KDM2A: variants seen among roughly 807,000 people sequenced by gnomAD.
The protein encoded by KDM2A is lysine demethylase 2A.
KDM2A carries 3 observed loss-of-function variants against 137.3 expected under a neutral mutation model. The ratio of observed to expected loss-of-function variants is 0.02; its 90% CI spans 0.01 to 0.06. KDM2A has a LOEUF of 0.06. Ranked by LOEUF, KDM2A falls within the 10% of genes least tolerant of loss-of-function variation. KDM2A has a pLI of 1.00. For missense variants in KDM2A, 738 were observed against 1,510.6 expected (o/e 0.49, Z 8.48); for synonymous variants, 512 against 541.5 (o/e 0.95, Z 0.76).
At chr11:67,200,239 G>A (rs922820924) in intron 5 of KDM2A, among the ~76,000 whole-genome samples, 30 of 151,642 alleles carry the variant, frequency 2.0e-4, no homozygotes, top group African/African-American at 4.6e-4. Flanking sequence ...CTTTTTAGAC[G>A]GAGTCTCTCT....
At chr11:67,168,580 T>A (rs1459722181) in intron 2 of KDM2A, among the ~76,000 whole-genome samples, 1 of 4,656 alleles carries the variant, frequency 2.1e-4, no homozygotes, top group Non-Finnish European at 4.1e-4. Context: ...TTGTATGAAT[T>A]ATACACACAC....
rs1482353155 is a variant in KDM2A at position 67,250,718 on chromosome 11, G to A, written c.2688G>A (p.Glu896=). 2 of 1,574,540 alleles carry A rather than the reference G, an allele frequency of 1.3e-6. No homozygotes were observed. Among genetic ancestry groups the A allele is most frequent in the Non-Finnish European group, 8.6e-7 (1 of 1,159,562 alleles). ...QDGDESWMQR[E]VWMSVFRYLS... Reference sequence around the variant, plus strand: ...GAGACGAAAGCTGGATGCAGCGGGAGGTCTGGATGTCTGTCTTCCGCTACC... The same window carrying A: ...GAGACGAAAGCTGGATGCAGCGGGAAGTCTGGATGTCTGTCTTCCGCTACC... The change falls in exon 17 of 21, where the codon GAG becomes GAA. Residue 896 remains glutamate, a synonymous_variant. Coordinates refer to ENST00000529006, the MANE Select transcript of KDM2A (RefSeq NM_012308.3). The surrounding 1 kb of genome is among the most constrained non-coding windows in gnomAD (Gnocchi z 7.1).
intron 7 of KDM2A, 81 bp from the exon 8 acceptor site, chr11:67,215,775 A>G: frequency 1.0e-6 from 1 of 983,708 alleles, no homozygotes; most frequent in Non-Finnish European, 1.6e-6. Context: ...GGGAGTATAT[A>G]AGAGGAGAGT....
chr11:67,212,597 C>T (rs1858027193), intron 6 of KDM2A, among the ~76,000 whole-genome samples: 1 of 152,122 alleles, frequency 6.6e-6, no homozygotes, highest in African/African-American at 2.4e-5. Flanking sequence ...TAACTGGGAT[C>T]AGAGTATTTA....
intron 16 of KDM2A, chr11:67,248,597 C>A: frequency 2.2e-6 from 1 of 463,964 alleles, no homozygotes; most frequent in Non-Finnish European, 3.9e-6. Flanking sequence ...TTGGGATCTG[C>A]AAATTCCTAA....
chr11:67,222,950 T>C (rs982762607), intron 10 of KDM2A, among the ~76,000 whole-genome samples: 2 of 150,558 alleles, frequency 1.3e-5, no homozygotes, highest in African/African-American at 4.9e-5. Context: ...TCCCAACACT[T>C]TGGGAGGCTA....
At chr11:67,140,780 T>C (rs1247636220) in intron 2 of KDM2A, among the ~76,000 whole-genome samples, 2 of 152,102 alleles carry the variant, frequency 1.3e-5, no homozygotes, top group African/African-American at 2.4e-5. Flanking sequence ...AGTATACTTT[T>C]GATTTATTTA....
intron 5 of KDM2A, among the ~76,000 whole-genome samples, chr11:67,185,377 A>T (rs1015887913): frequency 1.3e-5 from 2 of 152,158 alleles, no homozygotes; most frequent in East Asian, 3.8e-4. Flanking sequence ...CACACCTGTA[A>T]TCCCAGCACT....
chr11:67,168,598 C>CACACAGTCTTGTATGAATTATAAT, intron 2 of KDM2A, among the ~76,000 whole-genome samples: 1 of 72,088 alleles, frequency 1.4e-5, no homozygotes, highest in African/African-American at 1.2e-4. Context: ...CACACACACA[C>CACACAGTCTTGTATGAATTATAAT]ACACACACAC....
chr11:67,226,345 G>T (rs1858543469), intron 10 of KDM2A, among the ~76,000 whole-genome samples: 1 of 152,166 alleles, frequency 6.6e-6, no homozygotes. Flanking sequence ...AGACAATCCT[G>T]ATGATTCAGA....
intron 2 of KDM2A, among the ~76,000 whole-genome samples, chr11:67,161,393 T>C (rs1396013708): frequency 4.6e-5 from 7 of 152,176 alleles, no homozygotes; most frequent in Non-Finnish European, 4.4e-5. Flanking sequence ...CTACAGATCA[T>C]AGGTTATGTG....
chr11:67,170,241 A>G (rs1428869058), intron 2 of KDM2A, among the ~76,000 whole-genome samples: 3 of 152,128 alleles, frequency 2.0e-5, no homozygotes, highest in Non-Finnish European at 4.4e-5. Flanking sequence ...TAGTTTGTCA[A>G]CGAAAAGCTA....
intron 12 of KDM2A, among the ~76,000 whole-genome samples, chr11:67,233,652 C>CAAT (rs1444553771): frequency 9.7e-5 from 2 of 20,664 alleles, no homozygotes; most frequent in African/African-American, 1.1e-4. Context: ...AACCCTGTCT[C>CAAT]AACAACAACA....
intron 12 of KDM2A, 81 bp from the exon 13 acceptor site, chr11:67,242,928 C>T: frequency 9.5e-7 from 1 of 1,051,052 alleles, no homozygotes; most frequent in Non-Finnish European, 1.5e-6. Context: ...GGTACTGAGG[C>T]AGAGTCTGGA....
intron 5 of KDM2A, chr11:67,196,302 A>G (rs1443383051): frequency 4.4e-6 from 2 of 455,958 alleles, no homozygotes; most frequent in Admixed American, 2.4e-5. Flanking sequence ...GGAGGGAGCA[A>G]GTGGGCCTAT....
At position 67,250,806 on chromosome 11, in the gene KDM2A, G is replaced by A. The variant is rs1348807827; in HGVS notation, c.2768+8G>A. On this transcript the variant is annotated splice_region_variant and intron_variant, in intron 17 of 20. Transcript: ENST00000529006. This position sits in a 1 kb window ranked among gnomAD's most constrained non-coding sequence, Gnocchi z 7.1. ...CAAGACGTGGTATAAATGGTGAGCAGGGATTCAGGGGGTCAGGAATTAGGG... is the reference window on the plus strand; with the variant it reads ...CAAGACGTGGTATAAATGGTGAGCAAGGATTCAGGGGGTCAGGAATTAGGG... 6.6e-7 allele frequency: 1 copy of A among 1,514,590 alleles called. No individual in the cohort carries two copies. The highest frequency in any genetic ancestry group is 8.9e-7 in the Non-Finnish European group (1 of 1,129,530). 93.8% of individuals were successfully genotyped at this position (1,514,590 alleles called of 1,614,324 possible). A position where few individuals can be genotyped will look rare whatever the true frequency, so the allele number is the denominator to read the frequency against.
chr11:67,218,191 A>G (rs1858229073), intron 9 of KDM2A, among the ~76,000 whole-genome samples: 1 of 152,216 alleles, frequency 6.6e-6, no homozygotes, highest in Admixed American at 6.5e-5. Context: ...CAGGTGATAC[A>G]CAATCTATGT....
At position 67,256,104 on chromosome 11, in the gene KDM2A, A is replaced by AG; in HGVS notation, c.*1054dup. 1 of 156,570 alleles carries AG rather than the reference A, an allele frequency of 6.4e-6. No individual in the cohort carries two copies. The highest frequency in any genetic ancestry group is 1.4e-5 in the Non-Finnish European group (1 of 70,836). The allele number at this position is 156,570 out of a possible 1,614,324, so 9.7% of individuals were successfully genotyped here. ...GGCTCACTGAACTTTCAGGGCAGTC[A>AG]GGGGGTCCTGCTTAGAAGCCAGTCA... On this transcript the variant is annotated 3_prime_UTR_variant, in exon 21 of 21. Transcript: ENST00000529006.
chr11:67,138,280 G>C (rs1856014467), intron 2 of KDM2A, among the ~76,000 whole-genome samples: 1 of 152,144 alleles, frequency 6.6e-6, no homozygotes, highest in Non-Finnish European at 1.5e-5. Flanking sequence ...ACAAAAATGT[G>C]TTATGTAGTC....
Sources: allele counts gnomAD v4.1 joint callset (sites outside exome capture counted in the v4.1 genomes callset), GRCh38; gene constraint gnomAD v4.1.1; non-coding constraint Gnocchi (gnomAD v3.1); transcripts MANE v1.5; gene names NCBI Gene and HGNC (gene_info 2026-07-23, HGNC 2026-07-21).